The following ZDHHC20 variants were observed in gnomAD, a reference collection of about 807,000 sequenced individuals.
The protein encoded by ZDHHC20 is palmitoyltransferase ZDHHC20.
In ZDHHC20, 43 loss-of-function variants were observed where a neutral mutation model predicts 57.8. The observed-to-expected ratio is 0.74, with a 90% CI of 0.58 to 0.96. The LOEUF (loss-of-function observed/expected upper bound fraction) is 0.96. Among genes scored for constraint, ZDHHC20 ranks in the 40% least tolerant of loss-of-function variants. The probability of loss-of-function intolerance (pLI) is 0.00; values close to 1 mark genes in which losing one functional copy is unlikely to be tolerated. For synonymous variants in ZDHHC20, 157 were observed against 153.0 expected (o/e 1.03, Z -0.19); for missense variants, 391 against 441.1 (o/e 0.89, Z 1.02).
At chr13:21,381,385 G>A (rs746005219) in intron 11 of ZDHHC20, 49 bp downstream of exon 11, 10 of 1,361,522 alleles carry the variant, frequency 7.3e-6, no homozygotes, top group Non-Finnish European at 1.0e-5. Flanking sequence ...TATATCTGGT[G>A]CTTTTCATTT....
rs576212543 is a variant in ZDHHC20, at chr13:21,374,231, T to C, written c.*2465A>G. The stretch of plus-strand genomic sequence containing the variant: ...ATGTTTTTAGTTGGTAATTGATATA[T>C]ATATATATTTTTGAGATGGAGTTTC... On this transcript the variant is annotated 3_prime_UTR_variant, in exon 13 of 13. Transcript: ENST00000400590. 3.0e-5 allele frequency: 8 copies of C among 265,856 alleles called. No homozygotes were observed. The highest frequency in any genetic ancestry group is 1.5e-4 in the African/African-American group (7 of 45,966). 16.5% of individuals were successfully genotyped at this position (265,856 alleles called of 1,614,324 possible). A position where few individuals can be genotyped will look rare whatever the true frequency, so the allele number is the denominator to read the frequency against.
At chr13:21,452,364 G>T (rs561613194) in intron 1 of ZDHHC20, among the ~76,000 whole-genome samples, 2 of 152,060 alleles carry the variant, frequency 1.3e-5, no homozygotes, top group Non-Finnish European at 2.9e-5. Flanking sequence ...ACTATGTCTC[G>T]ATCAAGTTGT....
chr13:21,420,362 G>A (rs1880512745), intron 3 of ZDHHC20, among the ~76,000 whole-genome samples: 1 of 152,176 alleles, frequency 6.6e-6, no homozygotes, highest in Non-Finnish European at 1.5e-5. Flanking sequence ...ACATCCTACA[G>A]AGACAGGCAC....
At chr13:21,415,584 T>C (rs892535510) in intron 3 of ZDHHC20, among the ~76,000 whole-genome samples, 1 of 152,214 alleles carries the variant, frequency 6.6e-6, no homozygotes, top group African/African-American at 2.4e-5. Flanking sequence ...TCTTCAGACA[T>C]TTCTGACAGA....
intron 1 of ZDHHC20, among the ~76,000 whole-genome samples, chr13:21,432,852 T>C (rs1469866251): frequency 1.3e-5 from 2 of 152,244 alleles, no homozygotes; most frequent in Non-Finnish European, 1.5e-5. Flanking sequence ...GAATGGTGAA[T>C]AGTTCTTACA....
chr13:21,398,698 T>C (rs1877186990), intron 7 of ZDHHC20, among the ~76,000 whole-genome samples: 1 of 152,226 alleles, frequency 6.6e-6, no homozygotes, highest in African/African-American at 2.4e-5. Flanking sequence ...TTTGTAAAGA[T>C]GTTGTTCCCA....
In ZDHHC20 at chr13:21,378,731, ATTTGT is replaced by A; in HGVS notation, c.1063_1067del (p.Thr355Ter). On this transcript the variant is annotated frameshift_variant and splice_region_variant, in exon 12 of 13. Coordinates refer to ENST00000400590, the MANE Select transcript of ZDHHC20 (RefSeq NM_001330059.2). LOFTEE classifies it high-confidence loss of function. ...TTTCTATTGCCACTGTTACATGGTT[ATTTGT>A]CCCTGTAAGCATATAATTATATATG... 1 of 1,422,874 alleles carries A rather than the reference ATTTGT, an allele frequency of 7.0e-7. No homozygotes were observed. Among genetic ancestry groups the A allele is most frequent in the Non-Finnish European group, 9.4e-7 (1 of 1,067,898 alleles). 88.1% of individuals were successfully genotyped at this position (1,422,874 alleles called of 1,614,324 possible).
At position 21,439,776 on chromosome 13, in the gene ZDHHC20, T is replaced by A. The variant is rs7331956; in HGVS notation, c.119-14098A>T. 4.4e-3 allele frequency among the ~76,000 whole-genome samples: 667 copies of A among 151,984 alleles called. 3 individuals carry two copies. Among genetic ancestry groups the A allele is most frequent in the Non-Finnish European group, 7.8e-3 (527 of 67,928 alleles). On this transcript the variant is annotated intron_variant, in intron 1 of 12. Transcript: ENST00000400590. ...TAATAACTGCACTCTGGTTATATAA[T>A]ATTCTAATTCCCAGGCGCGGTGGCT... is the stretch of plus-strand genomic sequence containing the variant.
intron 1 of ZDHHC20, among the ~76,000 whole-genome samples, chr13:21,442,582 CTG>C (rs1883292114): frequency 6.6e-6 from 1 of 152,094 alleles, no homozygotes; most frequent in East Asian, 1.9e-4. Flanking sequence ...TGGTGAAACC[CTG>C]TCTCTACTAA....
intron 1 of ZDHHC20, among the ~76,000 whole-genome samples, chr13:21,429,071 T>C (rs964089190): frequency 6.6e-6 from 1 of 152,204 alleles, no homozygotes; most frequent in African/African-American, 2.4e-5. Flanking sequence ...TATTCTTCAC[T>C]TCATTGCCCC....
In ZDHHC20 at chr13:21,421,144, C is replaced by T. The variant is rs777216198; in HGVS notation, c.166G>A (p.Val56Met). ...ATAACAAAGAACAGATGGAAAGCCA[C>T]AAGGTAAACAACGGTCTTTCCTGGT... ...EENGKTVVYL[V>M]AFHLFFVMFV... The change falls in exon 3 of 13, where the codon GTG (valine) becomes ATG (methionine). Residue 56 changes from valine (V) to methionine (M), a missense_variant. Coordinates refer to ENST00000400590, the MANE Select transcript of ZDHHC20 (RefSeq NM_001330059.2). 1.9e-6 allele frequency: 3 copies of T among 1,613,130 alleles called. No individual in the cohort carries two copies. Among genetic ancestry groups the T allele is most frequent in the Non-Finnish European group, 1.7e-6 (2 of 1,179,614 alleles).
At chr13:21,402,647 T>C in intron 5 of ZDHHC20, 150 bp downstream of exon 5, 1 of 598,536 alleles carries the variant, frequency 1.7e-6, no homozygotes. Flanking sequence ...TTTATCAATA[T>C]TTTTGTCTGC....
At chr13:21,381,311 T>A (rs1393261223) in intron 11 of ZDHHC20, 123 bp downstream of exon 11, 1 of 871,458 alleles carries the variant, frequency 1.1e-6, no homozygotes, top group Non-Finnish European at 1.7e-6. Context: ...CAGCATATAT[T>A]TAAAAGTTTC....
chr13:21,402,244 T>A (rs1167179929), intron 5 of ZDHHC20, among the ~76,000 whole-genome samples: 1 of 152,112 alleles, frequency 6.6e-6, no homozygotes, highest in Non-Finnish European at 1.5e-5. Flanking sequence ...ACTGATGGGC[T>A]TGGAGATGGT....
intron 1 of ZDHHC20, among the ~76,000 whole-genome samples, chr13:21,447,125 A>G (rs570116375): frequency 2.0e-5 from 3 of 152,098 alleles, no homozygotes; most frequent in Admixed American, 1.3e-4. Flanking sequence ...GGATACTACA[A>G]TATAGGTGAT....
intron 2 of ZDHHC20, among the ~76,000 whole-genome samples, chr13:21,424,438 C>T (rs976834472): frequency 2.0e-5 from 3 of 152,088 alleles, no homozygotes; most frequent in African/African-American, 7.2e-5. Context: ...GGCCAGGCAA[C>T]GTGGCTCACG....
chr13:21,379,904 C>A (rs190142608), intron 11 of ZDHHC20, among the ~76,000 whole-genome samples: 322 of 148,836 alleles, frequency 2.2e-3, no homozygotes, highest in South Asian at 4.7e-3. Context: ...GGGCTCCAAC[C>A]CCCGGGGTTC....
chr13:21,395,954 T>A (rs1402826728), intron 7 of ZDHHC20, among the ~76,000 whole-genome samples: 1 of 152,042 alleles, frequency 6.6e-6, no homozygotes, highest in Non-Finnish European at 1.5e-5. Context: ...ACAATCCAGA[T>A]CCCACACTGA....
At chr13:21,429,595 CAG>C (rs1881682304) in intron 1 of ZDHHC20, among the ~76,000 whole-genome samples, 1 of 152,136 alleles carries the variant, frequency 6.6e-6, no homozygotes, top group South Asian at 2.1e-4. Context: ...TTTTCCTGTT[CAG>C]AGTTTGCTGA....
Sources: gnomAD v4.1 joint callset for allele counts (sites outside exome capture counted in the v4.1 genomes callset) on GRCh38, gnomAD v4.1.1 for gene constraint, MANE v1.5 for transcripts, NCBI Gene and HGNC (gene_info 2026-07-23, HGNC 2026-07-21) for gene names.